AXDND1: variants seen among roughly 807,000 people sequenced by gnomAD.
AXDND1 encodes the protein axonemal dynein light chain domain-containing protein 1.
In AXDND1, 110 loss-of-function variants were observed where a neutral mutation model predicts 137.5. That is an observed-to-expected ratio of 0.80 (90% CI 0.69 to 0.94). The LOEUF (loss-of-function observed/expected upper bound fraction) is 0.94. Ranked by LOEUF, AXDND1 falls within the 40% of genes least tolerant of loss-of-function variation. AXDND1 has a pLI of 0.00. For synonymous variants in AXDND1, 414 were observed against 399.7 expected (o/e 1.04, Z -0.43); for missense variants, 1,191 against 1,169.8 (o/e 1.02, Z -0.26).
intron 15 of AXDND1, among the ~76,000 whole-genome samples, chr1:179,440,443 A>G (rs894425951): frequency 3.3e-5 from 5 of 152,248 alleles, no homozygotes; most frequent in Non-Finnish European, 7.3e-5. Flanking sequence ...CTATGTGTGT[A>G]ACATCCATTT....
intron 12 of AXDND1, among the ~76,000 whole-genome samples, chr1:179,422,514 T>C (rs1655916244): frequency 2.0e-5 from 3 of 152,198 alleles, no homozygotes; most frequent in Admixed American, 1.3e-4. Context: ...ATATGATTTC[T>C]ACTTTTTTGA....
At chr1:179,475,998 C>T (rs1186163513) in intron 17 of AXDND1, among the ~76,000 whole-genome samples, 2 of 152,066 alleles carry the variant, frequency 1.3e-5, no homozygotes, top group East Asian at 3.9e-4. Context: ...TTGGCATTTC[C>T]CCTGCTTGCA....
At chr1:179,547,581 A>G (rs10494516) in intron 25 of AXDND1, among the ~76,000 whole-genome samples, 44,080 of 152,074 alleles carry the variant, frequency 0.29, 6,665 homozygotes, top group East Asian at 0.5. Context: ...TAAATGTCCA[A>G]TGAAAGGGCA....
intron 4 of AXDND1, among the ~76,000 whole-genome samples, chr1:179,372,420 T>A (rs1203006309): frequency 6.6e-6 from 1 of 152,130 alleles, no homozygotes; most frequent in East Asian, 1.9e-4. Flanking sequence ...AAAGACATGT[T>A]TATAGATAGA....
intron 17 of AXDND1, among the ~76,000 whole-genome samples, chr1:179,468,880 C>T (rs1663567045): frequency 6.6e-6 from 1 of 152,090 alleles, no homozygotes; most frequent in Non-Finnish European, 1.5e-5. Flanking sequence ...TACCCCCAGC[C>T]CTAAGCAACC....
chr1:179,509,260 TG>T (rs754334579), intron 20 of AXDND1, 35 bp from the exon 21 acceptor site: 2 of 1,382,004 alleles, frequency 1.4e-6, no homozygotes, highest in Admixed American at 3.6e-5. Context: ...ATAAATGAGC[TG>T]GTTTTTCTGC....
intron 12 of AXDND1, among the ~76,000 whole-genome samples, chr1:179,418,902 G>C (rs536706130): frequency 6.6e-6 from 1 of 151,234 alleles, no homozygotes; most frequent in Non-Finnish European, 1.5e-5. Context: ...TTCTCAGACG[G>C]GGCGGCAGGG....
At position 179,518,317 on chromosome 1, in the gene AXDND1, TC is replaced by T. The variant is rs1283872854; in HGVS notation, c.2497-7016del. ...TTGATTTTCTATTCTTTTCTATTGA[TC>T]TGTCTATTAGTGGGTCATTACCACA... On this transcript the variant is annotated intron_variant, in intron 21 of 25. Transcript: ENST00000367618. 5.9e-5 allele frequency among the ~76,000 whole-genome samples: 9 copies of T among 152,286 alleles called. No homozygotes were observed. The South Asian group carries it at 1.7e-3, about 28-fold the overall frequency.
intron 14 of AXDND1, 47 bp from the exon 15 acceptor site, chr1:179,432,220 T>C (rs753900708): frequency 2.7e-6 from 4 of 1,486,552 alleles, no homozygotes; most frequent in Middle Eastern, 1.8e-4. Flanking sequence ...TGATCTTGTT[T>C]ATGTCTTGTT....
In AXDND1 at chr1:179,411,264, A is replaced by AG; in HGVS notation, c.1228_1229insG (p.Lys410ArgfsTer4). On this transcript the variant is annotated frameshift_variant and splice_region_variant, in exon 12 of 26. Transcript: ENST00000367618. LOFTEE classifies it high-confidence loss of function. ...CTCAGCCACATATGAATTGGCCCTG[A>AG]AGGTTAGTTCATCTGGATTCACAAC... 1 of 1,608,196 alleles carries AG rather than the reference A, an allele frequency of 6.2e-7. No individual in the cohort carries two copies. The highest frequency in any genetic ancestry group is 8.5e-7 in the Non-Finnish European group (1 of 1,178,568).
chr1:179,396,196 A>T (rs1651033115), intron 11 of AXDND1, among the ~76,000 whole-genome samples: 1 of 151,390 alleles, frequency 6.6e-6, no homozygotes, highest in Admixed American at 6.6e-5. Flanking sequence ...AAAAAAGAAA[A>T]ATATTTGGAG....
intron 15 of AXDND1, among the ~76,000 whole-genome samples, chr1:179,432,894 C>T (rs917842514): frequency 2.8e-5 from 4 of 141,492 alleles, no homozygotes; most frequent in Non-Finnish European, 6.3e-5. Context: ...CACAGCAAGA[C>T]TCCATCTCAA....
At chr1:179,512,740 C>T (rs1030785628) in intron 21 of AXDND1, among the ~76,000 whole-genome samples, 1 of 152,058 alleles carries the variant, frequency 6.6e-6, no homozygotes, top group African/African-American at 2.4e-5. Context: ...TGATTTCTTT[C>T]AGCAGTGTTT....
chr1:179,506,838 G>C (rs1229489594), intron 20 of AXDND1: 5 of 985,230 alleles, frequency 5.1e-6, no homozygotes, highest in Non-Finnish European at 3.6e-6. Context: ...ACCAGAGATA[G>C]CACTGCCGGT....
intron 16 of AXDND1, chr1:179,457,275 C>T (rs1661550606): frequency 6.0e-6 from 4 of 668,706 alleles, no homozygotes; most frequent in South Asian, 1.7e-5. Context: ...TAAGCTCAAC[C>T]GTCCAAGGAA....
chr1:179,416,106 C>T (rs759167452), intron 12 of AXDND1, among the ~76,000 whole-genome samples: 62 of 152,168 alleles, frequency 4.1e-4, no homozygotes, highest in Non-Finnish European at 7.8e-4. Flanking sequence ...TCCTACCCTT[C>T]CTGGCCTCTG....
At chr1:179,492,274 C>T (rs111227145) in intron 19 of AXDND1, among the ~76,000 whole-genome samples, 6,956 of 152,048 alleles carry the variant, frequency 0.046, 240 homozygotes, top group Non-Finnish European at 0.069. Flanking sequence ...AGAGTTTTGC[C>T]ATGTTGGCCA....
At chr1:179,531,276 G>T (rs1457559843) in intron 23 of AXDND1, among the ~76,000 whole-genome samples, 1 of 152,100 alleles carries the variant, frequency 6.6e-6, no homozygotes, top group Non-Finnish European at 1.5e-5. Flanking sequence ...CTACAATAAT[G>T]ATGTTATTTA....
intron 5 of AXDND1, among the ~76,000 whole-genome samples, chr1:179,379,185 A>G (rs910018276): frequency 1.3e-5 from 2 of 152,176 alleles, no homozygotes; most frequent in African/African-American, 2.4e-5. Context: ...CACCAAGGTT[A>G]TTCTTTAATT....
Sources: allele counts gnomAD v4.1 joint callset (sites outside exome capture counted in the v4.1 genomes callset), GRCh38; gene constraint gnomAD v4.1.1; transcripts MANE v1.5; gene names NCBI Gene and HGNC (gene_info 2026-07-23, HGNC 2026-07-21).